CREB5: variants seen among roughly 807,000 people sequenced by gnomAD.
CREB5 encodes the protein cyclic AMP-responsive element-binding protein 5.
A neutral mutation model predicts 57.1 loss-of-function variants in CREB5; 19 were observed. The observed-to-expected ratio is 0.33, with a 90% confidence interval of 0.23 to 0.49. The LOEUF (loss-of-function observed/expected upper bound fraction) is 0.49, where lower values mean the gene tolerates loss of function less well. Among genes scored for constraint, CREB5 ranks in the 20% least tolerant of loss-of-function variants. The probability of loss-of-function intolerance (pLI) is 0.99; values close to 1 mark genes in which losing one functional copy is unlikely to be tolerated. For missense variants in CREB5, 579 were observed against 671.6 expected (o/e 0.86, Z 1.52); for synonymous variants, 238 against 238.3 (o/e 1.00, Z 0.01).
At chr7:28,675,838 G>A (rs901205426) in intron 5 of CREB5, among the ~76,000 whole-genome samples, 1 of 152,042 alleles carries the variant, frequency 6.6e-6, no homozygotes, top group African/African-American at 2.4e-5. Context: ...TTGAGATGAG[G>A]AAGACTCTGG....
At chr7:28,643,119 G>A (rs186052807) in intron 5 of CREB5, among the ~76,000 whole-genome samples, 19 of 152,172 alleles carry the variant, frequency 1.2e-4, no homozygotes, top group African/African-American at 4.6e-4. Flanking sequence ...CGGGTCCTGA[G>A]GGTTTGCAGT....
chr7:28,453,230 GA>G (rs1169408091), intron 1 of CREB5, among the ~76,000 whole-genome samples: 1 of 152,132 alleles, frequency 6.6e-6, no homozygotes, highest in Non-Finnish European at 1.5e-5. Flanking sequence ...TTGAGTCCAG[GA>G]GTTTGAGACA....
intron 7 of CREB5, among the ~76,000 whole-genome samples, chr7:28,777,518 C>T (rs1328710097): frequency 2.0e-5 from 3 of 152,080 alleles, no homozygotes; most frequent in Admixed American, 2.0e-4. Context: ...CCTTGTATAA[C>T]TACATTCCAT....
At chr7:28,474,004 T>G (rs1790948162) in intron 1 of CREB5, among the ~76,000 whole-genome samples, 1 of 152,198 alleles carries the variant, frequency 6.6e-6, no homozygotes, top group African/African-American at 2.4e-5. Flanking sequence ...TTGTTTGATT[T>G]TGCTTTCTTT....
In CREB5 at chr7:28,427,649, G is replaced by T. The variant is rs193253011; in HGVS notation, c.3+14732G>T. Among the ~76,000 whole-genome samples the T allele has an allele frequency of 1.9e-4, 29 of 152,006 alleles. No homozygotes were observed. The East Asian group carries it at 5.6e-3, about 29-fold the overall frequency. ...CCACGGTGCCTGTCACAGGGACTTGGGGTCTGCCCTCCTTCTCCAGAGACT... is the reference window on the plus strand; with the variant it reads ...CCACGGTGCCTGTCACAGGGACTTGTGGTCTGCCCTCCTTCTCCAGAGACT... On this transcript the variant is annotated intron_variant, in intron 1 of 10. Coordinates refer to ENST00000357727, the MANE Select transcript of CREB5 (RefSeq NM_182898.4).
chr7:28,778,118 C>T (rs796725240), intron 7 of CREB5, among the ~76,000 whole-genome samples: 9 of 152,184 alleles, frequency 5.9e-5, no homozygotes, highest in African/African-American at 2.2e-4. Flanking sequence ...CATACAAAAC[C>T]TGCCTAGCCT....
intron 4 of CREB5, among the ~76,000 whole-genome samples, chr7:28,518,620 G>A (rs573510859): frequency 6.6e-5 from 10 of 152,276 alleles, no homozygotes; most frequent in Admixed American, 3.3e-4. Context: ...GTGGGCATGC[G>A]AGTCCCACCC....
chr7:28,652,338 G>A (rs1294000938), intron 5 of CREB5, among the ~76,000 whole-genome samples: 4 of 152,146 alleles, frequency 2.6e-5, no homozygotes, highest in African/African-American at 9.7e-5. Context: ...AATAATGGAA[G>A]TTTTGGTTTC....
Position 28,825,801 on chromosome 7 carries a change from C to A in CREB5, c.*6522C>A, listed in dbSNP as rs1158373221. On this transcript the variant is annotated 3_prime_UTR_variant, in exon 11 of 11. Transcript: ENST00000357727. ...GTTCAACTAGGTCAGATTTTTACATCTCTTTCTAGCAAGAAGAGACAAGAT... is the reference window on the plus strand; with the variant it reads ...GTTCAACTAGGTCAGATTTTTACATATCTTTCTAGCAAGAAGAGACAAGAT... 6.6e-6 allele frequency: 1 copy of A among 152,614 alleles called. No homozygotes were observed. The highest frequency in any genetic ancestry group is 1.5e-5 in the Non-Finnish European group (1 of 68,026). The allele number at this position is 152,614 out of a possible 1,614,324, so 9.5% of individuals were successfully genotyped here.
chr7:28,414,168 CCTT>C (rs982151339), intron 1 of CREB5, among the ~76,000 whole-genome samples: 2 of 151,782 alleles, frequency 1.3e-5, no homozygotes, highest in Non-Finnish European at 2.9e-5. Context: ...TTCTCCTTCT[CCTT>C]CTTCTTCTTC....
chr7:28,435,381 ATTT>A (rs34815040), intron 1 of CREB5, among the ~76,000 whole-genome samples: 8 of 103,504 alleles, frequency 7.7e-5, no homozygotes, highest in African/African-American at 1.9e-4. Context: ...TTTCCCTTCC[ATTT>A]TTTTTTTTTT....
chr7:28,320,119 C>T (rs376103113), intron 1 of CREB5, among the ~76,000 whole-genome samples: 15 of 151,910 alleles, frequency 9.9e-5, no homozygotes, highest in Non-Finnish European at 1.5e-4. Flanking sequence ...TTAGTAGAGA[C>T]GGGGTTTCGC....
chr7:28,684,918 C>T (rs1800785593), intron 5 of CREB5, among the ~76,000 whole-genome samples: 1 of 152,012 alleles, frequency 6.6e-6, no homozygotes, highest in Non-Finnish European at 1.5e-5. Flanking sequence ...AGAGTAGTGT[C>T]TGGACTGTTG....
intron 5 of CREB5, among the ~76,000 whole-genome samples, chr7:28,575,686 G>C (rs1795882966): frequency 6.6e-6 from 1 of 152,136 alleles, no homozygotes; most frequent in South Asian, 2.1e-4. Context: ...ATTATTTCCT[G>C]CTTTGTGTTT....
intron 5 of CREB5, among the ~76,000 whole-genome samples, chr7:28,585,582 T>C (rs1358207668): frequency 6.6e-6 from 1 of 152,240 alleles, no homozygotes; most frequent in Admixed American, 6.5e-5. Context: ...TTTTGATCTG[T>C]TAACTTTTCC....
chr7:28,624,761 T>C (rs1380873547), intron 5 of CREB5, among the ~76,000 whole-genome samples: 1 of 151,634 alleles, frequency 6.6e-6, no homozygotes, highest in African/African-American at 2.4e-5. Context: ...CTTCTGTTAA[T>C]TGTAACTCTT....
intron 5 of CREB5, chr7:28,686,323 G>A (rs1800905614): frequency 1.4e-6 from 1 of 692,544 alleles, no homozygotes; most frequent in South Asian, 1.7e-5. Context: ...CTCCCTTTCT[G>A]CCCGTCTTTG....
intron 1 of CREB5, among the ~76,000 whole-genome samples, chr7:28,383,059 T>C (rs552441065): frequency 6.6e-6 from 1 of 151,830 alleles, no homozygotes; most frequent in African/African-American, 2.4e-5. Flanking sequence ...GAGTGTTGAG[T>C]GAGTGGTGTG....
At chr7:28,560,803 T>G (rs1287612871) in intron 4 of CREB5, among the ~76,000 whole-genome samples, 1 of 58,380 alleles carries the variant, frequency 1.7e-5, no homozygotes, top group Non-Finnish European at 3.8e-5. Context: ...CCACAGTGTG[T>G]GTGCGCGTGT....
Sources: gnomAD v4.1 joint callset for allele counts (sites outside exome capture counted in the v4.1 genomes callset) on GRCh38, gnomAD v4.1.1 for gene constraint, MANE v1.5 for transcripts, NCBI Gene and HGNC (gene_info 2026-07-23, HGNC 2026-07-21) for gene names.